PABPC4L: variants seen among roughly 807,000 people sequenced by gnomAD.
PABPC4L encodes polyadenylate-binding protein 4-like.
For missense variants in PABPC4L, 452 were observed against 451.4 expected (o/e 1.00, Z -0.01); for synonymous variants, 169 against 164.1 (o/e 1.03, Z -0.23).
At chr4:134,011,894 T>C in the PABPC4L span, among the ~76,000 whole-genome samples, 1 of 152,162 alleles carries the variant, frequency 6.6e-6, no homozygotes, top group African/African-American at 2.4e-5. Flanking sequence ...CAGCATTGAT[T>C]GTAATAATAA....
chr4:134,058,034 G>T, the PABPC4L span, among the ~76,000 whole-genome samples: 1 of 152,004 alleles, frequency 6.6e-6, no homozygotes, highest in Non-Finnish European at 1.5e-5. Flanking sequence ...ATGAGTTGAG[G>T]TGATGAAAAA....
the PABPC4L span, among the ~76,000 whole-genome samples, chr4:134,028,897 T>C: frequency 6.6e-6 from 1 of 152,242 alleles, no homozygotes; most frequent in East Asian, 1.9e-4. Flanking sequence ...TGTCACTATT[T>C]CAAGCATATC....
At chr4:134,049,265 CA>C in the PABPC4L span, among the ~76,000 whole-genome samples, 2 of 151,966 alleles carry the variant, frequency 1.3e-5, no homozygotes, top group African/African-American at 4.8e-5. Flanking sequence ...ATAAAGTATT[CA>C]AAAAACTCAC....
At chr4:134,072,573 G>T in the PABPC4L span, among the ~76,000 whole-genome samples, 1 of 152,096 alleles carries the variant, frequency 6.6e-6, no homozygotes, top group East Asian at 1.9e-4. Flanking sequence ...TAGGAACAGA[G>T]GTTTAAAGAA....
chr4:134,067,863 T>G, the PABPC4L span, among the ~76,000 whole-genome samples: 9 of 152,166 alleles, frequency 5.9e-5, no homozygotes, highest in Admixed American at 5.9e-4. Context: ...TTGATTTTAA[T>G]TTTTTATTGC....
the PABPC4L span, among the ~76,000 whole-genome samples, chr4:133,990,201 C>T: frequency 2.0e-5 from 3 of 152,088 alleles, no homozygotes; most frequent in Non-Finnish European, 2.9e-5. Context: ...TTTGTGGCAA[C>T]GTGCATCAAG....
chr4:134,015,756 C>G, the PABPC4L span, among the ~76,000 whole-genome samples: 1 of 152,154 alleles, frequency 6.6e-6, no homozygotes, highest in African/African-American at 2.4e-5. Context: ...CACCCTGTAG[C>G]CTTTTTATCC....
chr4:134,013,980 G>A, the PABPC4L span, among the ~76,000 whole-genome samples: 3 of 152,122 alleles, frequency 2.0e-5, no homozygotes, highest in South Asian at 6.2e-4. Flanking sequence ...CTCTTAAAAA[G>A]GTGGCTGGAG....
At position 134,199,602 on chromosome 4, in the gene PABPC4L, C is replaced by A; in HGVS notation, c.*305G>T. 1 of 215,470 alleles carries A rather than the reference C, an allele frequency of 4.6e-6. No homozygotes were observed. Among genetic ancestry groups the A allele is most frequent in the Non-Finnish European group, 9.0e-6 (1 of 111,512 alleles). 13.3% of individuals were successfully genotyped at this position (215,470 alleles called of 1,614,324 possible). ...ATATGCAATAAATTCAAATAATTACCTCATTTCATTTGGTTCAAATGTAAA... is the reference window on the plus strand; with the variant it reads ...ATATGCAATAAATTCAAATAATTACATCATTTCATTTGGTTCAAATGTAAA... On this transcript the variant is annotated 3_prime_UTR_variant, in exon 2 of 2. Coordinates refer to ENST00000421491, the MANE Select transcript of PABPC4L (RefSeq NM_001114734.2).
the PABPC4L span, among the ~76,000 whole-genome samples, chr4:134,155,871 C>T: frequency 2.1e-4 from 32 of 152,056 alleles, no homozygotes; most frequent in Non-Finnish European, 4.3e-4. Flanking sequence ...AAATGGATAG[C>T]TGTTAGTTTC....
the PABPC4L span, among the ~76,000 whole-genome samples, chr4:134,043,335 G>A: frequency 3.9e-5 from 6 of 152,032 alleles, no homozygotes; most frequent in African/African-American, 1.2e-4. Flanking sequence ...TCACTGCTAC[G>A]TCCCTAATGA....
chr4:134,142,877 G>C, the PABPC4L span, among the ~76,000 whole-genome samples: 3 of 151,548 alleles, frequency 2.0e-5, no homozygotes, highest in African/African-American at 7.3e-5. Context: ...TAAAGCTTTT[G>C]CAATAGCACT....
At chr4:134,107,719 T>A in the PABPC4L span, among the ~76,000 whole-genome samples, 1 of 151,666 alleles carries the variant, frequency 6.6e-6, no homozygotes, top group African/African-American at 2.4e-5. Context: ...ACAGCATAGT[T>A]TGAATTTAAA....
the PABPC4L span, among the ~76,000 whole-genome samples, chr4:134,030,042 C>T: frequency 3.9e-5 from 6 of 152,182 alleles, no homozygotes; most frequent in Non-Finnish European, 8.8e-5. Flanking sequence ...TCCCCTTCTG[C>T]CATGATTTTA....
the PABPC4L span, among the ~76,000 whole-genome samples, chr4:134,030,726 A>T: frequency 6.6e-6 from 1 of 152,228 alleles, no homozygotes; most frequent in Non-Finnish European, 1.5e-5. Context: ...GGAGAAAAAT[A>T]AATGTTTATA....
chr4:134,188,629 A>C, the PABPC4L span, among the ~76,000 whole-genome samples: 2 of 152,062 alleles, frequency 1.3e-5, no homozygotes, highest in East Asian at 3.9e-4. Context: ...TTCTCTCAAC[A>C]CTTTAAATCT....
the PABPC4L span, among the ~76,000 whole-genome samples, chr4:134,155,534 G>GT: frequency 2.0e-5 from 3 of 151,512 alleles, no homozygotes; most frequent in African/African-American, 7.3e-5. Flanking sequence ...TCTATACATT[G>GT]TAATTATTCA....
chr4:134,163,668 A>C, the PABPC4L span, among the ~76,000 whole-genome samples: 1 of 152,192 alleles, frequency 6.6e-6, no homozygotes, highest in African/African-American at 2.4e-5. Flanking sequence ...AGTGGGTTTC[A>C]GCCCAGAAGG....
the PABPC4L span, among the ~76,000 whole-genome samples, chr4:133,957,976 G>C: frequency 6.6e-6 from 1 of 152,216 alleles, no homozygotes; most frequent in Non-Finnish European, 1.5e-5. Flanking sequence ...CTAGTGATGA[G>C]AGGGGTTGCC....
Sources: allele counts gnomAD v4.1 joint callset (sites outside exome capture counted in the v4.1 genomes callset), GRCh38; gene constraint gnomAD v4.1.1; transcripts MANE v1.5; gene names NCBI Gene and HGNC (gene_info 2026-07-23, HGNC 2026-07-21).